The following CNKSR2 variants were observed in gnomAD, a reference collection of about 807,000 sequenced individuals.
CNKSR2 encodes connector enhancer of kinase suppressor of Ras 2.
In CNKSR2, 14 loss-of-function variants were observed where a neutral mutation model predicts 84.4. The ratio of observed to expected loss-of-function variants is 0.17; its 90% CI spans 0.11 to 0.26. CNKSR2 has a LOEUF of 0.26. Ranked by LOEUF, CNKSR2 falls within the 10% of genes least tolerant of loss-of-function variation. The pLI is 1.00. For synonymous variants in CNKSR2, 275 were observed against 277.9 expected (o/e 0.99, Z 0.10); for missense variants, 485 against 771.2 (o/e 0.63, Z 4.40).
intron 4 of CNKSR2, among the ~76,000 whole-genome samples, chrX:21,462,082 A>C (rs909824686): frequency 3.6e-5 from 4 of 110,968 alleles, no homozygotes; most frequent in African/African-American, 1.3e-4. Context: ...GAAGAATGTC[A>C]TTGGTATTTT....
chrX:21,591,699 T>A (rs759099191), intron 15 of CNKSR2: 1 of 110,558 alleles, frequency 9.0e-6, no homozygotes, highest in East Asian at 2.8e-4. Context: ...TTCATTTCAC[T>A]TGGCCCAGTG....
chrX:21,633,898 A>G (rs1363836899), intron 20 of CNKSR2, among the ~76,000 whole-genome samples: 1 of 112,233 alleles, frequency 8.9e-6, no homozygotes, highest in Non-Finnish European at 1.9e-5. Context: ...TCCCAAATCC[A>G]AGATGACTTT....
intron 4 of CNKSR2, among the ~76,000 whole-genome samples, chrX:21,444,586 G>A (rs2090827238): frequency 9.1e-6 from 1 of 110,251 alleles, no homozygotes; most frequent in Non-Finnish European, 1.9e-5. Context: ...CCACCATCTG[G>A]CATATAGTGG....
intron 20 of CNKSR2, among the ~76,000 whole-genome samples, chrX:21,636,858 A>G (rs1363801597): frequency 9.0e-6 from 1 of 111,185 alleles, no homozygotes; most frequent in African/African-American, 3.3e-5. Flanking sequence ...ATATATTTCT[A>G]TAAAAATTAA....
At chrX:21,499,065 G>A (rs1378126685) in intron 7 of CNKSR2, among the ~76,000 whole-genome samples, 1 of 111,705 alleles carries the variant, frequency 9.0e-6, no homozygotes, top group Non-Finnish European at 1.9e-5. Flanking sequence ...TGCAGGAGCA[G>A]CTTCACATTT....
chrX:21,376,629 A>G (rs192048537), intron 1 of CNKSR2, among the ~76,000 whole-genome samples: 1 of 112,061 alleles, frequency 8.9e-6, no homozygotes, highest in Admixed American at 9.5e-5. Flanking sequence ...TTTCTCAGTG[A>G]TGGAAGAAAG....
intron 21 of CNKSR2, 49 bp from the exon 22 acceptor site, chrX:21,652,257 G>C (rs370553911): frequency 7.4e-5 from 78 of 1,053,086 alleles, no homozygotes; most frequent in Non-Finnish European, 9.6e-5. Context: ...TTTTAAACTT[G>C]AATAAAACTT....
chrX:21,512,754 T>TTTTTGTTTTG (rs370460056), intron 8 of CNKSR2, among the ~76,000 whole-genome samples: 9 of 110,407 alleles, frequency 8.2e-5, no homozygotes, highest in African/African-American at 3.0e-4. Flanking sequence ...TAGGGAGGTT[T>TTTTTGTTTTG]TTTTGTTTTG....
At chrX:21,515,003 C>T (rs2091712769) in intron 8 of CNKSR2, among the ~76,000 whole-genome samples, 2 of 109,690 alleles carry the variant, frequency 1.8e-5, no homozygotes, top group Admixed American at 9.7e-5. Flanking sequence ...GGCATTTGAC[C>T]AGTTCCATTA....
At chrX:21,510,671 C>T in intron 8 of CNKSR2, among the ~76,000 whole-genome samples, 1 of 111,855 alleles carries the variant, frequency 8.9e-6, no homozygotes, top group Non-Finnish European at 1.9e-5. Flanking sequence ...CACCTGCTGT[C>T]TGCTTCAGCC....
At chrX:21,572,179 G>A (rs2092288483) in intron 13 of CNKSR2, among the ~76,000 whole-genome samples, 1 of 112,126 alleles carries the variant, frequency 8.9e-6, no homozygotes, top group African/African-American at 3.2e-5. Flanking sequence ...TTCCCAGTGG[G>A]CTGCTTCCCT....
chrX:21,525,984 G>T (rs2091831312), intron 9 of CNKSR2, among the ~76,000 whole-genome samples: 1 of 110,772 alleles, frequency 9.0e-6, no homozygotes, highest in Non-Finnish European at 1.9e-5. Context: ...TTTCACTTCA[G>T]GATAATTTCA....
At chrX:21,388,930 T>C (rs759712396) in intron 1 of CNKSR2, among the ~76,000 whole-genome samples, 1 of 109,809 alleles carries the variant, frequency 9.1e-6, no homozygotes, top group South Asian at 4.1e-4. Context: ...TCATCAGTGA[T>C]AAGTCATGTT....
intron 5 of CNKSR2, among the ~76,000 whole-genome samples, chrX:21,476,795 C>T (rs915598411): frequency 5.4e-5 from 6 of 111,738 alleles, no homozygotes; most frequent in Admixed American, 9.5e-5. Flanking sequence ...CAGTGATTAT[C>T]GACTAAAGAT....
Position 21,542,214 on chromosome X carries a change from C to T in CNKSR2, c.1303+10147C>T, listed in dbSNP as rs1391630336. ...GGAATAACTTATGGAAACATGGATACCAGTAGCAGAAGCAATCTAGATTAG... is the reference window on the plus strand; with the variant it reads ...GGAATAACTTATGGAAACATGGATATCAGTAGCAGAAGCAATCTAGATTAG... On this transcript the variant is annotated intron_variant, in intron 11 of 21. Coordinates refer to ENST00000379510, the MANE Select transcript of CNKSR2 (RefSeq NM_014927.5). Among the ~76,000 whole-genome samples the T allele has an allele frequency of 3.6e-5, 4 of 112,387 alleles. No individual in the cohort carries two copies. The South Asian group carries it at 1.1e-3, about 31-fold the overall frequency.
chrX:21,553,687 T>C (rs900497840), intron 11 of CNKSR2, among the ~76,000 whole-genome samples: 3 of 110,151 alleles, frequency 2.7e-5, no homozygotes, highest in African/African-American at 1.0e-4. Context: ...GTTCAACTAG[T>C]TACCTTATTA....
chrX:21,451,295 C>T (rs1236200834), intron 4 of CNKSR2, among the ~76,000 whole-genome samples: 2 of 111,213 alleles, frequency 1.8e-5, no homozygotes, highest in Non-Finnish European at 3.8e-5. Flanking sequence ...CTGATGAAAA[C>T]ATAAAATATC....
intron 4 of CNKSR2, among the ~76,000 whole-genome samples, chrX:21,453,689 T>G (rs2090963696): frequency 8.9e-6 from 1 of 111,840 alleles, no homozygotes; most frequent in Admixed American, 9.6e-5. Flanking sequence ...AAGAGCTACC[T>G]GAGTCTGGGT....
In CNKSR2 at chrX:21,590,666, A is replaced by T. The variant is rs762210316; in HGVS notation, c.1657+46A>T. 5 of 1,134,962 alleles carry T rather than the reference A, an allele frequency of 4.4e-6. No individual in the cohort carries two copies. In the African/African-American group the frequency reaches 8.9e-5, roughly 20 times the overall value. 93.5% of individuals were successfully genotyped at this position (1,134,962 alleles called of 1,213,427 possible). A position where few individuals can be genotyped will look rare whatever the true frequency, so the allele number is the denominator to read the frequency against. On this transcript the variant is annotated intron_variant, in intron 14 of 21. Coordinates refer to ENST00000379510, the MANE Select transcript of CNKSR2 (RefSeq NM_014927.5). ...CTTTACCTGCTTATTTTGCTCTTTGATAATCCCCAACACACTTCATCCATG... is the reference window on the plus strand; with the variant it reads ...CTTTACCTGCTTATTTTGCTCTTTGTTAATCCCCAACACACTTCATCCATG...
Sources: allele counts gnomAD v4.1 joint callset (sites outside exome capture counted in the v4.1 genomes callset), GRCh38; gene constraint gnomAD v4.1.1; transcripts MANE v1.5; gene names NCBI Gene and HGNC (gene_info 2026-07-23, HGNC 2026-07-21).